Variants in FRAS1 observed in about 807,000 individuals in gnomAD.
FRAS1 encodes the protein Fraser extracellular matrix complex subunit 1, also known as extracellular matrix organizing protein FRAS1.
Under a neutral mutation model 435.2 loss-of-function variants are expected in FRAS1, and 290 were observed. The observed-to-expected ratio is 0.67, with a 90% CI of 0.61 to 0.73. The LOEUF is 0.73. Ranked by LOEUF, FRAS1 falls within the 30% of genes least tolerant of loss-of-function variation. The pLI is 0.00. For missense variants in FRAS1, 4,860 were observed against 5,001.5 expected (o/e 0.97, Z 0.85); for synonymous variants, 1,800 against 1,851.0 (o/e 0.97, Z 0.71).
chr4:78,422,417 G>A (rs74378297), intron 34 of FRAS1, among the ~76,000 whole-genome samples: 1 of 152,108 alleles, frequency 6.6e-6, no homozygotes, highest in African/African-American at 2.4e-5. Flanking sequence ...GATTAGCGGT[G>A]GAATTACACA....
At chr4:78,379,501 C>T (rs1731923431) in intron 26 of FRAS1, 2 of 505,342 alleles carry the variant, frequency 4.0e-6, no homozygotes, top group African/African-American at 2.0e-5. Flanking sequence ...TTCAGGAATA[C>T]CGAAGTTCCC....
At chr4:78,422,614 T>C (rs914344645) in intron 34 of FRAS1, among the ~76,000 whole-genome samples, 3 of 151,994 alleles carry the variant, frequency 2.0e-5, no homozygotes, top group South Asian at 2.1e-4. Flanking sequence ...ATGTGAAGGG[T>C]CAGGCAGAGC....
intron 9 of FRAS1, 128 bp from the exon 10 acceptor site, chr4:78,278,527 A>G: frequency 9.5e-6 from 6 of 632,266 alleles, no homozygotes; most frequent in Non-Finnish European, 1.7e-5. Context: ...TGAAACAGGC[A>G]GAGGGCCAGA....
chr4:78,455,324 T>C (rs55663000), intron 47 of FRAS1, among the ~76,000 whole-genome samples: 56,383 of 152,022 alleles, frequency 0.37, 10,620 homozygotes, highest in Admixed American at 0.42. Context: ...CTGGCCTCCC[T>C]GAAGGCAGTT....
At position 78,188,295 on chromosome 4, in the gene FRAS1, A is replaced by G. The variant is rs1172762074; in HGVS notation, c.109-49215A>G. Among the ~76,000 whole-genome samples the G allele has an allele frequency of 5.6e-4, 6 of 10,656 alleles. No individual in the cohort carries two copies. The Non-Finnish European group carries it at 0.019, about 33-fold the overall frequency. 7.0% of individuals were successfully genotyped at this position (10,656 alleles called of 152,430 possible). ...TATCTGTCTGTCTATCTATCTATCTATCTATCTATCTATCTATCTATCTAA... is the reference window on the plus strand; with the variant it reads ...TATCTGTCTGTCTATCTATCTATCTGTCTATCTATCTATCTATCTATCTAA... On this transcript the variant is annotated intron_variant, in intron 2 of 73. Transcript: ENST00000512123.
Position 78,519,410 on chromosome 4 carries a change from G to A in FRAS1, c.10469G>A (p.Gly3490Asp). The A allele has an allele frequency of 6.2e-7, 1 of 1,611,370 alleles. No individual in the cohort carries two copies. The highest frequency in any genetic ancestry group is 8.5e-7 in the Non-Finnish European group (1 of 1,178,970). Reference sequence around the variant, plus strand: ...TACATCTATGTGACAGCCCCCAGGGGCTGGGCCTCCTTGGAGCACCACACC... The same window carrying A: ...TACATCTATGTGACAGCCCCCAGGGACTGGGCCTCCTTGGAGCACCACACC... ...VSYIYVTAPR[G>D]WASLEHHTEM... The change falls in exon 67 of 74, where the codon GGC (glycine) becomes GAC (aspartate). Residue 3490 changes from glycine to aspartate, a missense_variant. Gly to Asp is a moderately conservative substitution (Grantham distance 94). Coordinates refer to ENST00000512123, the MANE Select transcript of FRAS1 (RefSeq NM_025074.7).
At chr4:78,118,835 C>A (rs1168108316) in intron 2 of FRAS1, among the ~76,000 whole-genome samples, 1 of 152,200 alleles carries the variant, frequency 6.6e-6, no homozygotes, top group Non-Finnish European at 1.5e-5. Context: ...CCTGCACCCA[C>A]TCTCCGACAC....
At chr4:78,265,595 A>G (rs1726311373) in intron 7 of FRAS1, among the ~76,000 whole-genome samples, 1 of 152,186 alleles carries the variant, frequency 6.6e-6, no homozygotes, top group Non-Finnish European at 1.5e-5. Context: ...CAAAAGTACT[A>G]TTGGATAGCC....
At chr4:78,102,221 A>G (rs1742166245) in intron 2 of FRAS1, among the ~76,000 whole-genome samples, 2 of 152,212 alleles carry the variant, frequency 1.3e-5, no homozygotes, top group South Asian at 4.1e-4. Flanking sequence ...TCAGAAAAGG[A>G]ACCATTTGAA....
At chr4:78,478,721 G>A (rs903146710) in intron 55 of FRAS1, among the ~76,000 whole-genome samples, 3 of 152,070 alleles carry the variant, frequency 2.0e-5, no homozygotes, top group African/African-American at 7.2e-5. Flanking sequence ...GATGATTTTG[G>A]GTTTCTTTCT....
At chr4:78,283,328 T>A (rs1442678791) in intron 12 of FRAS1, among the ~76,000 whole-genome samples, 1 of 152,246 alleles carries the variant, frequency 6.6e-6, no homozygotes, top group Non-Finnish European at 1.5e-5. Flanking sequence ...AAGAATAATT[T>A]CTCAACATTT....
intron 2 of FRAS1, among the ~76,000 whole-genome samples, chr4:78,112,068 T>G (rs1453018932): frequency 6.6e-6 from 1 of 152,182 alleles, no homozygotes; most frequent in Non-Finnish European, 1.5e-5. Context: ...TTTGATAATC[T>G]CCTTCACCTT....
chr4:78,531,324 C>G lies in FRAS1; in HGVS notation c.10926-3125C>G, dbSNP rs764088107. 5.9e-5 allele frequency among the ~76,000 whole-genome samples: 9 copies of G among 152,100 alleles called. No homozygotes were observed. In the East Asian group the frequency reaches 9.6e-4, roughly 16 times the overall value. On this transcript the variant is annotated intron_variant, in intron 70 of 73. Coordinates refer to ENST00000512123, the MANE Select transcript of FRAS1 (RefSeq NM_025074.7). ...ACTTCCTCTCTTCCTATTTGAGTAC[C>G]CTTTATTTCTTTCCCTTGCCTGCTT... is the stretch of plus-strand genomic sequence containing the variant.
At chr4:78,439,578 C>A (rs1013874522) in intron 40 of FRAS1, among the ~76,000 whole-genome samples, 8 of 152,130 alleles carry the variant, frequency 5.3e-5, no homozygotes, top group African/African-American at 1.9e-4. Flanking sequence ...TACACTTAAT[C>A]TTTCTTTGCC....
chr4:78,359,100 A>T (rs1246404883), intron 20 of FRAS1, among the ~76,000 whole-genome samples: 1 of 152,088 alleles, frequency 6.6e-6, no homozygotes, highest in Non-Finnish European at 1.5e-5. Context: ...CTTCTCTTCC[A>T]TGGCTTACTT....
intron 30 of FRAS1, among the ~76,000 whole-genome samples, chr4:78,406,066 A>G (rs1477461577): frequency 6.6e-6 from 1 of 152,236 alleles, no homozygotes; most frequent in East Asian, 1.9e-4. Context: ...AATAAAGTTT[A>G]AAGAATGAAG....
In FRAS1 at chr4:78,543,820, C is replaced by G. The variant is rs979802840; in HGVS notation, c.*2696C>G. The G allele has an allele frequency of 2.0e-5, 3 of 152,188 alleles. No individual in the cohort carries two copies. Among genetic ancestry groups the G allele is most frequent in the African/African-American group, 7.2e-5 (3 of 41,414 alleles). The allele number at this position is 152,188 out of a possible 1,614,324, so 9.4% of individuals were successfully genotyped here. On this transcript the variant is annotated 3_prime_UTR_variant, in exon 74 of 74. Coordinates refer to ENST00000512123, the MANE Select transcript of FRAS1 (RefSeq NM_025074.7). ...AATTTCTCTGATTTGCTCACTAATGCCTTGTGTGTGTTTTACTAACCTTTT... is the reference window on the plus strand; with the variant it reads ...AATTTCTCTGATTTGCTCACTAATGGCTTGTGTGTGTTTTACTAACCTTTT...
intron 2 of FRAS1, among the ~76,000 whole-genome samples, chr4:78,234,156 A>G (rs1428373548): frequency 6.6e-6 from 1 of 152,244 alleles, no homozygotes; most frequent in Non-Finnish European, 1.5e-5. Flanking sequence ...TCTTGAAATC[A>G]GCAGGAAACG....
chr4:78,455,420 A>AG (rs148293537), intron 47 of FRAS1, among the ~76,000 whole-genome samples: 24,573 of 148,992 alleles, frequency 0.16, 2,194 homozygotes, highest in Middle Eastern at 0.22. Context: ...GGAGTTGAGG[A>AG]GGGAGGGGGT....
Sources: gnomAD v4.1 joint callset for allele counts (sites outside exome capture counted in the v4.1 genomes callset) on GRCh38, gnomAD v4.1.1 for gene constraint, MANE v1.5 for transcripts, NCBI Gene and HGNC (gene_info 2026-07-23, HGNC 2026-07-21) for gene names.